PDE4A: variants seen among roughly 807,000 people sequenced by gnomAD.
PDE4A encodes 3',5'-cyclic-AMP phosphodiesterase 4A.
PDE4A carries 21 observed loss-of-function variants against 73.9 expected under a neutral mutation model. That is an observed-to-expected ratio of 0.28 (90% confidence interval 0.20 to 0.41). The LOEUF is 0.41. Ranked by LOEUF, PDE4A falls within the 10% of genes least tolerant of loss-of-function variation. PDE4A has a pLI of 1.00. For missense variants in PDE4A, 958 were observed against 1,211.4 expected, an observed-to-expected ratio of 0.79 and a Z score of 3.10; for synonymous variants, 463 against 505.4, an observed-to-expected ratio of 0.92 and a Z score of 1.13.
intron 7 of PDE4A, among the ~76,000 whole-genome samples, chr19:10,456,029 ACC>A (rs139758154): frequency 2.8e-5 from 4 of 142,094 alleles, no homozygotes; most frequent in African/African-American, 1.0e-4. Flanking sequence ...ACTTGGTATG[ACC>A]CCCCCCCAAT....
At chr19:10,432,458 G>C (rs1464250327) in intron 1 of PDE4A, 22 of 1,488,040 alleles carry the variant, frequency 1.5e-5, no homozygotes, top group Admixed American at 2.5e-5. Flanking sequence ...CAGCGCCCCG[G>C]GCCCGGCCCC....
rs576300958 is a variant in PDE4A, at chr19:10,448,449, C to T, written c.513-468C>T. Reference sequence around the variant, plus strand: ...GCCAGGAGTTTGAGACCATCCTGGCCAACATGATGAAACCCAGTCTCTACT... The same window carrying T: ...GCCAGGAGTTTGAGACCATCCTGGCTAACATGATGAAACCCAGTCTCTACT... On this transcript the variant is annotated intron_variant, in intron 2 of 14. Transcript: ENST00000380702. 1.6e-4 allele frequency among the ~76,000 whole-genome samples: 25 copies of T among 151,852 alleles called. 2 individuals are homozygous for T. In the South Asian group the frequency reaches 4.8e-3, roughly 29 times the overall value.
At chr19:10,417,243 A>G (rs531917360), upstream of PDE4A, 1 of 982,618 alleles carries the variant, frequency 1.0e-6, no homozygotes, top group South Asian at 4.7e-5. Flanking sequence ...AGGAGGTGGG[A>G]GGGGGCGCTA....
rs191626458 is a variant in PDE4A, at chr19:10,445,508, C to T, written c.321-710C>T. ...CTTGGTTGGGCGCAGTGGCTCAGGCCTGTAATCCCAGCACTTTGGGAGGCC... is the reference window on the plus strand; with the variant it reads ...CTTGGTTGGGCGCAGTGGCTCAGGCTTGTAATCCCAGCACTTTGGGAGGCC... On this transcript the variant is annotated intron_variant, in intron 1 of 14. Coordinates refer to ENST00000380702, the MANE Select transcript of PDE4A (RefSeq NM_001111307.2). 5.5e-4 allele frequency among the ~76,000 whole-genome samples: 84 copies of T among 152,234 alleles called. 1 individual carries two copies. The highest frequency in any genetic ancestry group is 2.0e-3 in the African/African-American group (83 of 41,558).
intron 1 of PDE4A, among the ~76,000 whole-genome samples, chr19:10,442,968 AATATTAC>A (rs1383576989): frequency 2.6e-5 from 4 of 151,830 alleles, no homozygotes; most frequent in Admixed American, 6.6e-5. Context: ...TAATATTAGT[AATATTAC>A]ATATTACATA....
At chr19:10,418,077 T>A (rs142795405), upstream of PDE4A, among the ~76,000 whole-genome samples, 10 of 152,126 alleles carry the variant, frequency 6.6e-5, no homozygotes, top group Non-Finnish European at 1.5e-4. Context: ...GCTGCCTGAG[T>A]CAGCAAGGGG....
At chr19:10,447,258 C>T (rs1216521342) in intron 2 of PDE4A, among the ~76,000 whole-genome samples, 14 of 97,138 alleles carry the variant, frequency 1.4e-4, no homozygotes, top group Non-Finnish European at 2.6e-4. Context: ...CAGAATCTCA[C>T]ACTGTCGCCC....
chr19:10,420,335 G>C (rs1297081045), upstream of PDE4A: 1 of 961,850 alleles, frequency 1.0e-6, no homozygotes, highest in East Asian at 1.1e-4. This position sits in a 1 kb window ranked among gnomAD's most constrained non-coding sequence, Gnocchi z 6.0. Context: ...GAGTTCCAGC[G>C]CCCCCTCCCA....
intron 1 of PDE4A, chr19:10,432,615 G>T: frequency 6.7e-7 from 1 of 1,492,342 alleles, no homozygotes; most frequent in Non-Finnish European, 8.9e-7. Context: ...TAATACTGAA[G>T]GGCACTGGCT....
At position 10,467,240 on chromosome 19, in the gene PDE4A, G is replaced by A. The variant is rs201995124; in HGVS notation, c.2280G>A (p.Ser760=). 2.2e-5 allele frequency: 35 copies of A among 1,614,072 alleles called. No individual in the cohort carries two copies. The Middle Eastern group carries it at 4.9e-4, about 23-fold the overall frequency. ...GGGAGGCATCCCCGGCCCAGGAGTC[G>A]TTGGAAGTTATGGCACAGGAAGCAT... is the stretch of plus-strand genomic sequence containing the variant. ...IAWEASPAQE[S]LEVMAQEASL... is the part of the protein sequence containing the mutation. Residue 760 remains serine, a synonymous_variant, in exon 15 of 15, where the codon TCG becomes TCA. Coordinates refer to ENST00000380702, the MANE Select transcript of PDE4A (RefSeq NM_001111307.2).
intron 1 of PDE4A, among the ~76,000 whole-genome samples, chr19:10,430,370 G>T (rs1322657130): frequency 6.6e-6 from 1 of 151,982 alleles, no homozygotes; most frequent in Non-Finnish European, 1.5e-5. Flanking sequence ...GTTTATGAGG[G>T]TGTCTCAGAA....
At chr19:10,418,808 G>C (rs2042611499), upstream of PDE4A, 2 of 985,286 alleles carry the variant, frequency 2.0e-6, no homozygotes, top group Non-Finnish European at 2.4e-6. Flanking sequence ...ACCCCGCCAA[G>C]AATTTGGCCC....
chr19:10,418,252 G>A (rs1274199689), upstream of PDE4A, among the ~76,000 whole-genome samples: 1 of 152,178 alleles, frequency 6.6e-6, no homozygotes, highest in Non-Finnish European at 1.5e-5. Flanking sequence ...CTTGGAAGGG[G>A]TCTGGACTAG....
chr19:10,448,019 G>T (rs2043035768), intron 2 of PDE4A, among the ~76,000 whole-genome samples: 1 of 152,080 alleles, frequency 6.6e-6, no homozygotes, highest in Non-Finnish European at 1.5e-5. Context: ...ACATTTGGAG[G>T]CTGAGGCAGA....
intron 1 of PDE4A, among the ~76,000 whole-genome samples, chr19:10,436,473 T>G (rs2042866078): frequency 6.6e-6 from 1 of 152,062 alleles, no homozygotes. Context: ...GAGAATCTCT[T>G]GAACCTGAGA....
At chr19:10,441,626 G>A (rs1306781828) in intron 1 of PDE4A, among the ~76,000 whole-genome samples, 1 of 151,564 alleles carries the variant, frequency 6.6e-6, no homozygotes, top group Non-Finnish European at 1.5e-5. Context: ...ATGTCATGAA[G>A]CTGCTAAGAG....
rs367623639 is a variant in PDE4A at position 10,460,659 on chromosome 19, G to A, written c.1366-345G>A. Among the ~76,000 whole-genome samples, 29 of 151,964 alleles carry A rather than the reference G, an allele frequency of 1.9e-4. 1 individual carries two copies. The highest frequency in any genetic ancestry group is 6.5e-4 in the African/African-American group (27 of 41,448). ...AAAATATTTTAAAAATTAGCCGGGC[G>A]TGGTGGTGGGAGCCTGTAATCCCAG... On this transcript the variant is annotated intron_variant, in intron 10 of 14. Coordinates refer to ENST00000380702, the MANE Select transcript of PDE4A (RefSeq NM_001111307.2).
chr19:10,464,297 C>T (rs575762370), intron 14 of PDE4A: 310 of 432,172 alleles, frequency 7.2e-4, no homozygotes, highest in Non-Finnish European at 1.0e-3. Flanking sequence ...GGGGTTTCAC[C>T]GTGTTGGCCA....
chr19:10,459,963 C>T (rs2043236697), intron 10 of PDE4A, among the ~76,000 whole-genome samples: 1 of 152,130 alleles, frequency 6.6e-6, no homozygotes, highest in Non-Finnish European at 1.5e-5. Flanking sequence ...TCACTGCAAC[C>T]TCTGCCTCCC....
Sources: allele counts gnomAD v4.1 joint callset (sites outside exome capture counted in the v4.1 genomes callset), GRCh38; gene constraint gnomAD v4.1.1; non-coding constraint Gnocchi (gnomAD v3.1); transcripts MANE v1.5; gene names NCBI Gene and HGNC (gene_info 2026-07-23, HGNC 2026-07-21).